ERCC5: variants seen among roughly 807,000 people sequenced by gnomAD.
The protein encoded by ERCC5 is ERCC excision repair 5, endonuclease.
ERCC5 carries 68 observed loss-of-function variants against 105.6 expected under a neutral mutation model. The observed-to-expected ratio is 0.64, with a 90% CI of 0.53 to 0.79. ERCC5 has a LOEUF of 0.79. ERCC5 is among the 30% of genes least tolerant of loss of function. The probability of loss-of-function intolerance (pLI) is 0.00; values close to 1 mark genes in which losing one functional copy is unlikely to be tolerated. For synonymous variants in ERCC5, 546 were observed against 526.2 expected (o/e 1.04, Z -0.51); for missense variants, 1,373 against 1,426.7 (o/e 0.96, Z 0.61).
rs966375018 is a variant in ERCC5, at chr13:102,868,352, C to T, written c.2678+95C>T. The T allele has an allele frequency of 8.0e-6, 12 of 1,494,284 alleles. No homozygotes were observed. In the African/African-American group the frequency reaches 1.2e-4, roughly 16 times the overall value. 92.6% of individuals were successfully genotyped at this position (1,494,284 alleles called of 1,614,324 possible). ...TACAGCATGAACTGTCATGCTGTAA[C>T]ATGTGAACAATGGTTCACTGAGAAA... On this transcript the variant is annotated intron_variant, in intron 12 of 14. Coordinates refer to ENST00000652225, the MANE Select transcript of ERCC5 (RefSeq NM_000123.4).
intron 14 of ERCC5, among the ~76,000 whole-genome samples, chr13:102,874,310 TG>T (rs1440654919): frequency 4.6e-5 from 7 of 152,236 alleles, no homozygotes; most frequent in Admixed American, 3.3e-4. Flanking sequence ...CATTTATTTG[TG>T]GCCATACTAA....
chr13:102,846,183 C>T lies in ERCC5; in HGVS notation c.-84C>T, dbSNP rs1462431073. 1.7e-6 allele frequency: 2 copies of T among 1,175,834 alleles called. No homozygotes were observed. The highest frequency in any genetic ancestry group is 2.0e-5 in the Admixed American group (1 of 49,720). The allele number at this position is 1,175,834 out of a possible 1,614,324, so 72.8% of individuals were successfully genotyped here. A position where few individuals can be genotyped will look rare whatever the true frequency, so the allele number is the denominator to read the frequency against. On this transcript the variant is annotated 5_prime_UTR_variant, in exon 1 of 15. Transcript: ENST00000652225. ...TGTAGGAGCAGGGAGGGCTTCCTCC[C>T]GGGGTCCTAGGCGGCGGTGCAGTCC... is the stretch of plus-strand genomic sequence containing the variant.
chr13:102,846,911 C>T (rs1475323427), intron 1 of ERCC5, among the ~76,000 whole-genome samples: 1 of 152,112 alleles, frequency 6.6e-6, no homozygotes, highest in Non-Finnish European at 1.5e-5. Context: ...TTCCTCTCTG[C>T]CTTAGTTCTC....
chr13:102,868,370 C>CATG, intron 12 of ERCC5, 113 bp downstream of exon 12: 1 of 1,407,732 alleles, frequency 7.1e-7, no homozygotes, highest in Non-Finnish European at 9.9e-7. Context: ...CAATGGTTCA[C>CATG]TGAGAAAGCA....
chr13:102,873,811 A>G (rs748263105), intron 14 of ERCC5, among the ~76,000 whole-genome samples: 21 of 152,208 alleles, frequency 1.4e-4, no homozygotes, highest in Non-Finnish European at 2.1e-4. Context: ...GCCCTTTTGT[A>G]TGACCTTTAG....
chr13:102,861,842 T>A, intron 7 of ERCC5, 128 bp downstream of exon 7: 1 of 1,353,762 alleles, frequency 7.4e-7, no homozygotes, highest in Non-Finnish European at 1.0e-6. Context: ...TGTATACTGC[T>A]ATTAATGGAT....
At chr13:102,868,347 T>A in intron 12 of ERCC5, 90 bp downstream of exon 12, 1 of 1,530,508 alleles carries the variant, frequency 6.5e-7, no homozygotes, top group Non-Finnish European at 9.0e-7. Context: ...ACTGTCATGC[T>A]GTAACATGTG....
chr13:102,869,356 C>G (rs1566471938), intron 12 of ERCC5, among the ~76,000 whole-genome samples: 1 of 152,106 alleles, frequency 6.6e-6, no homozygotes, highest in Admixed American at 6.5e-5. Context: ...CTACAAATAA[C>G]TTTATTATAC....
Position 102,858,334 on chromosome 13 carries a change from GC to G in ERCC5, c.593del (p.Pro198LeufsTer3). The G allele has an allele frequency of 1.9e-6, 3 of 1,614,074 alleles. No individual in the cohort carries two copies. Among genetic ancestry groups the G allele is most frequent in the Non-Finnish European group, 2.5e-6 (3 of 1,180,002 alleles). On this transcript the variant is annotated frameshift_variant, in exon 6 of 15. Transcript: ENST00000652225. LOFTEE classifies it high-confidence loss of function. ...DIESEDFSSL[P>X]PEVKHEILTD... ...TTGAGTCTGAGGACTTCAGCAGCCT[GC>G]CCCCTGAAGTAAAGCATGAAATCTT... is the stretch of plus-strand genomic sequence containing the variant.
chr13:102,865,799 A>G lies in ERCC5; in HGVS notation c.2087A>G (p.Glu696Gly). The change falls in exon 9 of 15, where the codon GAG (glutamate) becomes GGG (glycine). Residue 696 changes from glutamate to glycine, a missense_variant. Transcript: ENST00000652225. The surrounding 1 kb of genome is among the most constrained non-coding windows in gnomAD (Gnocchi z 4.0). Reference protein sequence around the residue: ...VGTREGEAPAESESLLRDNSE... With the variant: ...VGTREGEAPAGSESLLRDNSE... ...ACTAGGGAGGGAGAAGCCCCTGCTG[A>G]GTCCGAGAGCCTCCTGAGGGACAAC... 1 of 1,614,224 alleles carries G rather than the reference A, an allele frequency of 6.2e-7. No homozygotes were observed. Among genetic ancestry groups the G allele is most frequent in the South Asian group, 1.1e-5 (1 of 91,092 alleles).
At chr13:102,871,356 C>T (rs1347702250) in intron 12 of ERCC5, among the ~76,000 whole-genome samples, 2 of 152,116 alleles carry the variant, frequency 1.3e-5, no homozygotes, top group East Asian at 1.9e-4. Context: ...AAGAGTGTGT[C>T]GCTGTCTTTA....
rs1156324951 is a variant in ERCC5 at position 102,875,509 on chromosome 13, A to C, written c.3167A>C (p.Gln1056Pro). ...CTTGATAAGGCAAAAGGAAAAACCC[A>C]GAAGAGAGGCATAACAAATACCTTA... is the stretch of plus-strand genomic sequence containing the variant. ...ELLDKAKGKTQKRGITNTLEE... is the reference protein window; with the variant it reads ...ELLDKAKGKTPKRGITNTLEE... Residue 1056 changes from glutamine to proline, a missense_variant, in exon 15 of 15, where the codon CAG (glutamine) becomes CCG (proline). This residue lies in a region of ERCC5 where 367 missense variants were observed against 350.2 expected (regional missense o/e 1.05). Coordinates refer to ENST00000652225, the MANE Select transcript of ERCC5 (RefSeq NM_000123.4). 5.6e-6 allele frequency: 9 copies of C among 1,614,170 alleles called. No individual in the cohort carries two copies. In the East Asian group the frequency reaches 2.0e-4, roughly 36 times the overall value.
At chr13:102,851,397 C>T (rs895298550) in intron 1 of ERCC5, among the ~76,000 whole-genome samples, 4 of 152,080 alleles carry the variant, frequency 2.6e-5, no homozygotes, top group South Asian at 2.1e-4. Flanking sequence ...TGGGTTCAAG[C>T]GATTCTCCTG....
intron 6 of ERCC5, among the ~76,000 whole-genome samples, chr13:102,858,759 A>G (rs1882516270): frequency 6.6e-6 from 1 of 152,210 alleles, no homozygotes; most frequent in South Asian, 2.1e-4. Context: ...AGTATTTTTC[A>G]CATGGTATGT....
Position 102,872,231 on chromosome 13 carries a change from GA to G in ERCC5, c.2713del (p.Ile905Ter). On this transcript the variant is annotated frameshift_variant, in exon 13 of 15. Coordinates refer to ENST00000652225, the MANE Select transcript of ERCC5 (RefSeq NM_000123.4). LOFTEE classifies it high-confidence loss of function. ...GGCATGAAGCTCAAAAAAATCCAAA[GA>G]TAAGACCTAATCCTCATGACACCAA... Reference protein sequence around the residue: ...WWHEAQKNPKIRPNPHDTKVK... With the variant: ...WWHEAQKNPKXRPNPHDTKVK... 6.2e-7 allele frequency: 1 copy of G among 1,613,942 alleles called. No individual in the cohort carries two copies. Among genetic ancestry groups the G allele is most frequent in the Non-Finnish European group, 8.5e-7 (1 of 1,179,996 alleles).
rs1208377284 is a variant in ERCC5, at chr13:102,865,735, A to C, written c.2023A>C (p.Lys675Gln). 2 of 1,613,994 alleles carry C rather than the reference A, an allele frequency of 1.2e-6. No homozygotes were observed. Among genetic ancestry groups the C allele is most frequent in the South Asian group, 1.1e-5 (1 of 91,046 alleles). Residue 675 changes from lysine to glutamine, a missense_variant, in exon 9 of 15, where the codon AAA (lysine) becomes CAA (glutamine). By Grantham distance (53) the Lys-to-Gln change is moderately conservative. Around this residue, in one of 3 missense-constraint regions of ERCC5, gnomAD observed 1,004 missense variants for 1,059.7 expected, o/e 0.95. Transcript: ENST00000652225. This position sits in a 1 kb window ranked among gnomAD's most constrained non-coding sequence, Gnocchi z 4.0. ...TCAAGCAGAATTCCCTGAAACTTCC[A>C]AACCTCCCTCAGAACAAGGCGAAGA... ...ELQAEFPETS[K>Q]PPSEQGEEEL...
intron 8 of ERCC5, among the ~76,000 whole-genome samples, chr13:102,864,085 G>C (rs1271151211): frequency 1.3e-5 from 2 of 150,458 alleles, no homozygotes; most frequent in Non-Finnish European, 2.9e-5. Flanking sequence ...AGTGTTCACA[G>C]AGACTTCATA....
Position 102,861,513 on chromosome 13 carries a change from G to A in ERCC5, c.679G>A (p.Asp227Asn). ...TLFEAMPEES[D>N]DFSQYQLKGL... ...TTGTTTATTTTGCCTTTAGGAGTCT[G>A]ATGACTTTTCACAGTACCAACTCAA... Residue 227 changes from aspartate (D) to asparagine (N), a missense_variant, in exon 7 of 15, where the codon GAT becomes AAT. This residue lies in a region of ERCC5 where 1,004 missense variants were observed against 1,059.7 expected (regional missense o/e 0.95). Coordinates refer to ENST00000652225, the MANE Select transcript of ERCC5 (RefSeq NM_000123.4). The A allele has an allele frequency of 6.2e-7, 1 of 1,614,052 alleles. No homozygotes were observed. Among genetic ancestry groups the A allele is most frequent in the Non-Finnish European group, 8.5e-7 (1 of 1,179,984 alleles).
rs758931675 is a variant in ERCC5 at position 102,875,720 on chromosome 13, T to C, written c.3378T>C (p.Ala1126=). The change falls in exon 15 of 15, where the codon GCT becomes GCC. Residue 1126 remains alanine (A), a synonymous_variant. Transcript: ENST00000652225. ...CTGCGAAAGAGCCAAAAACCAGTGC[T>C]TCAGATTCGCAGAACTCAGTGAAGG... ...RTAAKEPKTS[A]SDSQNSVKEA... is the part of the protein sequence containing the mutation. 2.5e-6 allele frequency: 4 copies of C among 1,614,044 alleles called. No individual in the cohort carries two copies. The African/African-American group carries it at 5.3e-5, about 22-fold the overall frequency.
Sources: gnomAD v4.1 joint callset for allele counts (sites outside exome capture counted in the v4.1 genomes callset) on GRCh38, gnomAD v4.1.1 for gene constraint, gnomAD v4.1.1 regional missense constraint, Gnocchi (gnomAD v3.1) non-coding constraint, MANE v1.5 for transcripts, NCBI Gene and HGNC (gene_info 2026-07-23, HGNC 2026-07-21) for gene names.